Variants in HERC2 observed in about 807,000 individuals in gnomAD.
The protein encoded by HERC2 is E3 ubiquitin-protein ligase HERC2.
HERC2 carries 102 observed loss-of-function variants against 537.7 expected under a neutral mutation model. The ratio of observed to expected loss-of-function variants is 0.19; its 90% CI spans 0.16 to 0.22. The LOEUF (loss-of-function observed/expected upper bound fraction) is 0.22, where lower values mean the gene tolerates loss of function less well. Ranked by LOEUF, HERC2 falls within the 10% of genes least tolerant of loss-of-function variation. The pLI, the probability that HERC2 is intolerant of heterozygous loss-of-function variation, is 1.00. For missense variants in HERC2, 4,236 were observed against 6,198.2 expected (o/e 0.68, Z 10.63); for synonymous variants, 2,224 against 2,466.2 (o/e 0.90, Z 2.91).
chr15:28,114,416 A>G (rs1319113509), intron 90 of HERC2, among the ~76,000 whole-genome samples, 196 bp downstream of exon 90: 1 of 152,240 alleles, frequency 6.6e-6, no homozygotes, highest in African/African-American at 2.4e-5. Context: ...TATTCTGGTT[A>G]GAGCCAGGAA....
At chr15:28,307,900 C>T (rs1368525271) in intron 2 of HERC2, among the ~76,000 whole-genome samples, 4 of 152,124 alleles carry the variant, frequency 2.6e-5, no homozygotes, top group Non-Finnish European at 5.9e-5. Context: ...CTATTCTGTT[C>T]CGTTGGTCTG....
At chr15:28,173,935 A>G (rs2140133699) in intron 65 of HERC2, among the ~76,000 whole-genome samples, 1 of 152,194 alleles carries the variant, frequency 6.6e-6, no homozygotes, top group South Asian at 2.1e-4. Context: ...AGAGGGCCAG[A>G]GAGGAACGCT....
At chr15:28,133,781 C>T (rs1213025244) in intron 79 of HERC2, among the ~76,000 whole-genome samples, 1 of 152,220 alleles carries the variant, frequency 6.6e-6, no homozygotes, top group African/African-American at 2.4e-5. Context: ...CATTTTTCCA[C>T]ACTCATCTTG....
At chr15:28,164,834 C>G (rs1893966742) in intron 68 of HERC2, among the ~76,000 whole-genome samples, 1 of 152,180 alleles carries the variant, frequency 6.6e-6, no homozygotes, top group South Asian at 2.1e-4. Flanking sequence ...ATAAGTTCTG[C>G]ATTAAACCCT....
intron 69 of HERC2, among the ~76,000 whole-genome samples, chr15:28,158,598 T>C (rs1460334994): frequency 2.0e-5 from 3 of 151,240 alleles, no homozygotes; most frequent in East Asian, 1.9e-4. Context: ...GGTAGATCTT[T>C]CTCCATCCCT....
intron 2 of HERC2, among the ~76,000 whole-genome samples, chr15:28,301,137 A>C (rs1221457440): frequency 1.3e-5 from 2 of 151,874 alleles, no homozygotes; most frequent in East Asian, 3.9e-4. Context: ...AAACATGGCC[A>C]GGTGCGGTGG....
intron 86 of HERC2, chr15:28,118,075 A>G (rs1221190899): frequency 5.9e-6 from 1 of 169,276 alleles, no homozygotes; most frequent in Non-Finnish European, 1.3e-5. Context: ...TAAAAATACA[A>G]GAAGAATGAC....
chr15:28,219,776 G>C lies in HERC2; in HGVS notation c.5845+676C>G, dbSNP rs191150267. Among the ~76,000 whole-genome samples, 538 of 152,286 alleles carry C rather than the reference G, an allele frequency of 3.5e-3. 3 individuals are homozygous for C. Among genetic ancestry groups the C allele is most frequent in the African/African-American group, 0.012 (509 of 41,558 alleles). ...CATGGGGGGCACTGCGGTGCTTCCG[G>C]AGGCAGCCCCAGCCTCTTGGATGGT... On this transcript the variant is annotated intron_variant, in intron 37 of 92. Coordinates refer to ENST00000261609, the MANE Select transcript of HERC2 (RefSeq NM_004667.6).
At chr15:28,121,708 C>A (rs1888908838) in intron 85 of HERC2, among the ~76,000 whole-genome samples, 1 of 152,188 alleles carries the variant, frequency 6.6e-6, no homozygotes, top group Non-Finnish European at 1.5e-5. Flanking sequence ...CTGGAAGAGC[C>A]CAGCACACAC....
At chr15:28,309,709 T>C (rs1168141869) in intron 2 of HERC2, among the ~76,000 whole-genome samples, 1 of 151,906 alleles carries the variant, frequency 6.6e-6, no homozygotes. Flanking sequence ...GACTACAGCC[T>C]GTGACACCTG....
At chr15:28,197,843 G>A (rs1897499434) in intron 50 of HERC2, among the ~76,000 whole-genome samples, 1 of 152,140 alleles carries the variant, frequency 6.6e-6, no homozygotes, top group African/African-American at 2.4e-5. Context: ...ACGAACATCA[G>A]GTAAGGCCAC....
intron 55 of HERC2, among the ~76,000 whole-genome samples, chr15:28,189,750 T>C (rs1019052266): frequency 2.0e-5 from 3 of 152,344 alleles, no homozygotes; most frequent in Non-Finnish European, 4.4e-5. Flanking sequence ...CCACAAAGTA[T>C]ACATGTAACA....
intron 38 of HERC2, among the ~76,000 whole-genome samples, chr15:28,217,515 TCA>T (rs1309287925): frequency 6.6e-6 from 1 of 152,004 alleles, no homozygotes. Context: ...CCACCCACAC[TCA>T]CATGTGCTCA....
intron 4 of HERC2, among the ~76,000 whole-genome samples, chr15:28,281,257 T>C (rs971338267): frequency 3.9e-5 from 6 of 152,160 alleles, no homozygotes; most frequent in South Asian, 2.1e-4. Flanking sequence ...GGACTGAAAA[T>C]AATTCAAAGG....
rs556200166 is a variant in HERC2, at chr15:28,229,368, T to C, written c.5121-22A>G. On this transcript the variant is annotated intron_variant, in intron 33 of 92. Transcript: ENST00000261609. ...TTCCCTTTCAAATAAAGATAAAGAA[T>C]TTGACTTGGGACACTGCCAGACTTC... 27 of 1,613,312 alleles carry C rather than the reference T, an allele frequency of 1.7e-5. No homozygotes were observed. In the South Asian group the frequency reaches 2.9e-4, roughly 17 times the overall value.
At position 28,174,620 on chromosome 15, in the gene HERC2, C is replaced by A. The variant is rs770387934; in HGVS notation, c.9832G>T (p.Val3278Leu). The A allele has an allele frequency of 5.0e-5, 80 of 1,588,298 alleles. No homozygotes were observed. The East Asian group carries it at 1.7e-3, about 34-fold the overall frequency. Residue 3278 changes from valine to leucine, a missense_variant and splice_region_variant, in exon 65 of 93, where the codon GTG becomes TTG. Coordinates refer to ENST00000261609, the MANE Select transcript of HERC2 (RefSeq NM_004667.6). ...HCLAVTDSGQ[V>L]YAWGDNDHGQ... ...TGGTCGTTGTCACCCCAAGCATACACCTGTTTACGAGGAGAAAAAAGCTTA... is the reference window on the plus strand; with the variant it reads ...TGGTCGTTGTCACCCCAAGCATACAACTGTTTACGAGGAGAAAAAAGCTTA...
In HERC2 at chr15:28,238,203, C is replaced by T. The variant is rs1166759956; in HGVS notation, c.3763G>A (p.Glu1255Lys). The T allele has an allele frequency of 6.3e-7, 1 of 1,598,056 alleles. No individual in the cohort carries two copies. Among genetic ancestry groups the T allele is most frequent in the South Asian group, 1.1e-5 (1 of 90,716 alleles). ...GCTTCCAAAGCTACCACTGGGTCTT[C>T]CCCTGCAAACTGAGCTGAAACAAAA... ...GNSILAQFAG[E>K]DPVVALEAAL... The change falls in exon 25 of 93, where the codon GAA becomes AAA. Residue 1255 changes from glutamate (E) to lysine (K), a missense_variant. Coordinates refer to ENST00000261609, the MANE Select transcript of HERC2 (RefSeq NM_004667.6).
intron 48 of HERC2, among the ~76,000 whole-genome samples, chr15:28,199,493 A>G (rs543381645): frequency 6.6e-6 from 1 of 152,356 alleles, no homozygotes; most frequent in African/African-American, 2.4e-5. Flanking sequence ...GTCTCCCTGT[A>G]TTATCAAGAG....
intron 83 of HERC2, among the ~76,000 whole-genome samples, chr15:28,128,254 G>T (rs1337025620): frequency 6.6e-6 from 1 of 152,204 alleles, no homozygotes; most frequent in Non-Finnish European, 1.5e-5. Flanking sequence ...CAGGCAATGT[G>T]CTGCAAATGG....
Sources: allele counts gnomAD v4.1 joint callset (sites outside exome capture counted in the v4.1 genomes callset), GRCh38; gene constraint gnomAD v4.1.1; transcripts MANE v1.5; gene names NCBI Gene and HGNC (gene_info 2026-07-23, HGNC 2026-07-21).